AP5Z1: variants seen among roughly 807,000 people sequenced by gnomAD.
AP5Z1 encodes AP-5 complex subunit zeta-1.
A neutral mutation model predicts 83.0 loss-of-function variants in AP5Z1; 106 were observed. The observed-to-expected ratio is 1.28, with a 90% confidence interval of 1.09 to 1.50. AP5Z1 has a LOEUF of 1.50. Ranked by LOEUF, AP5Z1 falls within the 40% of genes most tolerant of loss-of-function variation. AP5Z1 has a pLI of 0.00. For missense variants in AP5Z1, 1,565 were observed against 1,094.2 expected, an observed-to-expected ratio of 1.43 and a Z score of -6.07; for synonymous variants, 751 against 514.1, an observed-to-expected ratio of 1.46 and a Z score of -6.23.
Position 4,786,364 on chromosome 7 carries a change from A to G in AP5Z1, c.1247A>G (p.Asp416Gly). Residue 416 changes from aspartate to glycine, a missense_variant, in exon 10 of 17, where the codon GAC becomes GGC. Asp to Gly is a moderately conservative substitution (Grantham distance 94). Coordinates refer to ENST00000649063, the MANE Select transcript of AP5Z1 (RefSeq NM_014855.3). ...LAFEFIQFCR[D>G]NLHLFSGHLS... is the part of the protein sequence containing the mutation. ...TTTGAATTCATCCAGTTCTGCAGGG[A>G]CAACCTCCACCTGTTCAGCGGGCAC... is the stretch of plus-strand genomic sequence containing the variant. The G allele has an allele frequency of 6.2e-7, 1 of 1,613,890 alleles. No individual in the cohort carries two copies. The highest frequency in any genetic ancestry group is 1.3e-5 in the African/African-American group (1 of 75,042).
In AP5Z1 at chr7:4,784,779, G is replaced by A. The variant is rs993886607; in HGVS notation, c.791-129G>A. The A allele has an allele frequency of 1.8e-4, 233 of 1,292,208 alleles. 1 individual carries two copies. Among genetic ancestry groups the A allele is most frequent in the Middle Eastern group, 2.7e-4 (1 of 3,676 alleles). 80.0% of individuals were successfully genotyped at this position (1,292,208 alleles called of 1,614,324 possible). A position where few individuals can be genotyped will look rare whatever the true frequency, so the allele number is the denominator to read the frequency against. On this transcript the variant is annotated intron_variant, in intron 6 of 16. Coordinates refer to ENST00000649063, the MANE Select transcript of AP5Z1 (RefSeq NM_014855.3). ...GCCGGGTGGGTGGACGTCCTGAGAC[G>A]GTGACGCCTCACGCCTCCCGGGAGG...
chr7:4,790,793 T>TCTG lies in AP5Z1; in HGVS notation c.2064_2066dup (p.Ala689dup). 6.2e-7 allele frequency: 1 copy of TCTG among 1,609,244 alleles called. No individual in the cohort carries two copies. Among genetic ancestry groups the TCTG allele is most frequent in the African/African-American group, 1.3e-5 (1 of 74,938 alleles). ...ATTCGAGGTCACCCAGTGCCGCCCC[T>TCTG]CTGCTGCCCTGCCCAGGTGTCCCCC... On this transcript the variant is annotated inframe_insertion, in exon 16 of 17. Coordinates refer to ENST00000649063, the MANE Select transcript of AP5Z1 (RefSeq NM_014855.3).
At chr7:4,787,869 G>A (rs1264115219) in intron 11 of AP5Z1, 93 bp downstream of exon 11, 4 of 1,411,250 alleles carry the variant, frequency 2.8e-6, no homozygotes, top group Non-Finnish European at 2.8e-6. Context: ...CCCTACACCG[G>A]GGACCCTCCT....
At chr7:4,784,171 C>CCTCCGCCCA (rs1025960741) in intron 5 of AP5Z1, 32 bp from the exon 6 acceptor site, 1 of 1,557,688 alleles carries the variant, frequency 6.4e-7, no homozygotes, top group African/African-American at 1.4e-5. Context: ...GCCTCGGCCC[C>CCTCCGCCCA]CTCCGCCCAC....
At position 4,781,213 on chromosome 7, in the gene AP5Z1, G is replaced by C. The variant is rs768361738; in HGVS notation, c.80G>C (p.Arg27Pro). Reference sequence around the variant, plus strand: ...GAGGAGCTGAAGAAGTTCTGTTCCCGGATCTGTAAACTGCTGCAGGCGGAG... The same window carrying C: ...GAGGAGCTGAAGAAGTTCTGTTCCCCGATCTGTAAACTGCTGCAGGCGGAG... ...QDEELKKFCS[R>P]ICKLLQAEDL... Residue 27 changes from arginine to proline, a missense_variant, in exon 2 of 17, where the codon CGG becomes CCG. Physicochemically the swap from Arg to Pro is moderately radical, Grantham distance 103 (BLOSUM62 -2). Transcript: ENST00000649063. 5 of 1,613,968 alleles carry C rather than the reference G, an allele frequency of 3.1e-6. No homozygotes were observed. Among genetic ancestry groups the C allele is most frequent in the Non-Finnish European group, 4.2e-6 (5 of 1,179,880 alleles).
Position 4,789,839 on chromosome 7 carries a change from A to C in AP5Z1, c.1715A>C (p.Asp572Ala). ...AFFSAVTQVA[D>A]GSLINQLALL... is the part of the protein sequence containing the mutation. ...CCCACTCCTGACCCCCAGGTGGCTGACGGGTCCCTGATCAACCAGCTGGCG... is the reference window on the plus strand; with the variant it reads ...CCCACTCCTGACCCCCAGGTGGCTGCCGGGTCCCTGATCAACCAGCTGGCG... The change falls in exon 14 of 17, where the codon GAC becomes GCC. Residue 572 changes from aspartate to alanine, a missense_variant. Asp to Ala is a moderately radical substitution (Grantham distance 126, BLOSUM62 -2). Coordinates refer to ENST00000649063, the MANE Select transcript of AP5Z1 (RefSeq NM_014855.3). The C allele has an allele frequency of 6.4e-7, 1 of 1,551,410 alleles. No individual in the cohort carries two copies. The highest frequency in any genetic ancestry group is 1.7e-4 in the Middle Eastern group (1 of 5,980).
chr7:4,783,208 G>T, intron 3 of AP5Z1, 108 bp from the exon 4 acceptor site: 3 of 1,440,884 alleles, frequency 2.1e-6, no homozygotes, highest in Non-Finnish European at 2.8e-6. Context: ...GCTAGGCCGG[G>T]GTCTCAGCGA....
At position 4,785,397 on chromosome 7, in the gene AP5Z1, T is replaced by A; in HGVS notation, c.932-18T>A. On this transcript the variant is annotated intron_variant, in intron 7 of 16. Coordinates refer to ENST00000649063, the MANE Select transcript of AP5Z1 (RefSeq NM_014855.3). The stretch of plus-strand genomic sequence containing the variant: ...TAAGGCTGAGACAGAGCCGGCTGAC[T>A]TTTTCCCCTCCTTCCAGGAGCCCTG... 1 of 1,611,104 alleles carries A rather than the reference T, an allele frequency of 6.2e-7. No homozygotes were observed.
intron 12 of AP5Z1, 165 bp downstream of exon 12, chr7:4,788,459 A>G (rs981036781): frequency 4.5e-5 from 40 of 888,678 alleles, no homozygotes; most frequent in Non-Finnish European, 6.4e-5. Context: ...CTTCTGCACC[A>G]CGGGTCTGCC....
At position 4,775,701 on chromosome 7, in the gene AP5Z1, G is replaced by A. The variant is rs770582149; in HGVS notation, c.-15G>A. 1.9e-6 allele frequency: 3 copies of A among 1,607,004 alleles called. No homozygotes were observed. Among genetic ancestry groups the A allele is most frequent in the Non-Finnish European group, 2.5e-6 (3 of 1,179,726 alleles). ...GAGTTTCCGAGGTTCGTGCGCGTCT[G>A]GTGGCGGCGGCGTGATGTTCTCGGC... On this transcript the variant is annotated 5_prime_UTR_variant, in exon 1 of 17. Coordinates refer to ENST00000649063, the MANE Select transcript of AP5Z1 (RefSeq NM_014855.3).
chr7:4,786,922 C>T (rs928895859), intron 10 of AP5Z1, among the ~76,000 whole-genome samples: 2 of 152,104 alleles, frequency 1.3e-5, no homozygotes, highest in South Asian at 4.1e-4. Context: ...AGGCACCCAC[C>T]ACCATGTCCA....
At chr7:4,786,172 T>C in intron 9 of AP5Z1, 78 bp from the exon 10 acceptor site, 1 of 1,423,074 alleles carries the variant, frequency 7.0e-7, no homozygotes, top group Non-Finnish European at 9.3e-7. Context: ...GGCCTGAGAC[T>C]CAGGGCCCCT....
At chr7:4,784,181 C>T (rs763968248) in intron 5 of AP5Z1, 22 bp from the exon 6 acceptor site, 1 of 1,571,816 alleles carries the variant, frequency 6.4e-7, no homozygotes, top group Non-Finnish European at 8.6e-7. Context: ...CCTCCGCCCA[C>T]TCCTGCCTGT....
chr7:4,787,707 C>T lies in AP5Z1; in HGVS notation c.1385C>T (p.Thr462Ile), dbSNP rs535384375. Residue 462 changes from threonine (T) to isoleucine (I), a missense_variant, in exon 11 of 17, where the codon ACA becomes ATA. Coordinates refer to ENST00000649063, the MANE Select transcript of AP5Z1 (RefSeq NM_014855.3). Reference sequence around the variant, plus strand: ...CTCCCGGCCCTGGTGGACGCTGGCACAGCCCTGGAGATGCTGCACGCGCTG... The same window carrying T: ...CTCCCGGCCCTGGTGGACGCTGGCATAGCCCTGGAGATGCTGCACGCGCTG... ...ALLPALVDAGTALEMLHALLD... is the reference protein window; with the variant it reads ...ALLPALVDAGIALEMLHALLD... 4 of 1,551,570 alleles carry T rather than the reference C, an allele frequency of 2.6e-6. No individual in the cohort carries two copies. The highest frequency in any genetic ancestry group is 4.9e-5 in the East Asian group (2 of 41,178).
rs1170984456 is a variant in AP5Z1, at chr7:4,788,275, G to A, written c.1576G>A (p.Ala526Thr). The stretch of plus-strand genomic sequence containing the variant: ...TTTCCAATACCTGCTGCGCCCCAAG[G>A]CCAGTGGCGCCACTGAGAGGTACGG... Reference protein sequence around the residue: ...GLFQYLLRPKASGATERLAPL... With the variant: ...GLFQYLLRPKTSGATERLAPL... The change falls in exon 12 of 17, where the codon GCC becomes ACC. Residue 526 changes from alanine to threonine, a missense_variant. Coordinates refer to ENST00000649063, the MANE Select transcript of AP5Z1 (RefSeq NM_014855.3). 17 of 1,591,070 alleles carry A rather than the reference G, an allele frequency of 1.1e-5. No homozygotes were observed. In the African/African-American group the frequency reaches 1.6e-4, roughly 15 times the overall value.
chr7:4,780,951 C>T (rs1415779970), intron 1 of AP5Z1, among the ~76,000 whole-genome samples: 2 of 152,100 alleles, frequency 1.3e-5, no homozygotes, highest in Non-Finnish European at 2.9e-5. Flanking sequence ...GAGTGAGATT[C>T]GTCATAGTGC....
At chr7:4,781,476 C>T (rs2115102829) in intron 2 of AP5Z1, 92 bp from the exon 3 acceptor site, 5 of 1,543,522 alleles carry the variant, frequency 3.2e-6, no homozygotes, top group South Asian at 1.2e-5. Context: ...GTCCACTGGC[C>T]CAAGGGTGCC....
chr7:4,780,280 G>A (rs1209975224), intron 1 of AP5Z1, among the ~76,000 whole-genome samples: 1 of 152,116 alleles, frequency 6.6e-6, no homozygotes. Context: ...AAACATAATG[G>A]GCTTACCTTA....
intron 12 of AP5Z1, 125 bp from the exon 13 acceptor site, chr7:4,788,715 G>A (rs917180241): frequency 1.9e-5 from 16 of 834,304 alleles, no homozygotes; most frequent in Admixed American, 1.5e-4. Context: ...AGGAGGTCCC[G>A]AGAGGCGATG....
Sources: gnomAD v4.1 joint callset for allele counts (sites outside exome capture counted in the v4.1 genomes callset) on GRCh38, gnomAD v4.1.1 for gene constraint, MANE v1.5 for transcripts, NCBI Gene and HGNC (gene_info 2026-07-23, HGNC 2026-07-21) for gene names.